Variants in ATP6V0A4 observed in about 807,000 individuals in gnomAD.
The protein encoded by ATP6V0A4 is ATPase H+ transporting V0 subunit a4, also known as V-type proton ATPase 116 kDa subunit a 4.
In ATP6V0A4, 86 loss-of-function variants were observed where a neutral mutation model predicts 107.3. That is an observed-to-expected ratio of 0.80 (90% CI 0.67 to 0.96). The LOEUF is 0.96. ATP6V0A4 is among the 40% of genes least tolerant of loss of function. The pLI is 0.00. For missense variants in ATP6V0A4, 908 were observed against 1,045.6 expected (o/e 0.87, Z 1.81); for synonymous variants, 353 against 381.4 (o/e 0.93, Z 0.87).
intron 1 of ATP6V0A4, among the ~76,000 whole-genome samples, chr7:138,789,198 T>C (rs1414067794): frequency 7.2e-6 from 1 of 138,942 alleles, no homozygotes; most frequent in Non-Finnish European, 1.5e-5. Context: ...CATGTGAAAC[T>C]TAAAGGTTAA....
At chr7:138,772,516 C>T (rs910185793) in intron 2 of ATP6V0A4, among the ~76,000 whole-genome samples, 5 of 152,130 alleles carry the variant, frequency 3.3e-5, no homozygotes, top group Admixed American at 3.3e-4. Flanking sequence ...GACACAGTTC[C>T]ACCATACAGT....
intron 20 of ATP6V0A4, among the ~76,000 whole-genome samples, chr7:138,714,075 CAAAA>C (rs35801199): frequency 2.7e-5 from 3 of 112,284 alleles, no homozygotes; most frequent in Non-Finnish European, 5.8e-5. Context: ...CTACCTCTAC[CAAAA>C]AAAAAAAAAA....
Position 138,745,258 on chromosome 7 carries a change from C to T in ATP6V0A4, c.1343G>A (p.Gly448Glu). Residue 448 changes from glycine (G) to glutamate (E), a missense_variant, in exon 14 of 22, where the codon GGG becomes GAG. By Grantham distance (98) the Gly-to-Glu change is moderately conservative. Transcript: ENST00000310018. Reference protein sequence around the residue: ...DNEIWNTFFHGRYLILLMGIF... With the variant: ...DNEIWNTFFHERYLILLMGIF... Reference sequence around the variant, plus strand: ...GCCCATAAGTAGGATCAGATAGCGCCCGTGGAAGAAGGTGTTCCAAATCTG... The same window carrying T: ...GCCCATAAGTAGGATCAGATAGCGCTCGTGGAAGAAGGTGTTCCAAATCTG... The T allele has an allele frequency of 6.2e-7, 1 of 1,613,962 alleles. No homozygotes were observed. The highest frequency in any genetic ancestry group is 8.5e-7 in the Non-Finnish European group (1 of 1,179,976).
chr7:138,707,350 A>AATATATATTATATATATTTAT (rs1554386041), intron 21 of ATP6V0A4, among the ~76,000 whole-genome samples: 1 of 90,394 alleles, frequency 1.1e-5, no homozygotes, highest in East Asian at 2.6e-4. Context: ...TATATATTAT[A>AATATATATTATATATATTTAT]ATATATATTA....
At chr7:138,786,700 C>T (rs974253678) in intron 1 of ATP6V0A4, among the ~76,000 whole-genome samples, 2 of 151,988 alleles carry the variant, frequency 1.3e-5, no homozygotes, top group Non-Finnish European at 2.9e-5. Flanking sequence ...CCCTATGTTG[C>T]CCAGGCTGGT....
intron 11 of ATP6V0A4, among the ~76,000 whole-genome samples, 153 bp downstream of exon 11, chr7:138,752,472 C>T (rs554415115): frequency 3.3e-5 from 5 of 152,110 alleles, no homozygotes; most frequent in East Asian, 1.9e-4. Context: ...TTTATGTCCT[C>T]GAGTGGGGTT....
rs33940158 is a variant in ATP6V0A4, at chr7:138,759,052, A to ATTTTTTTTTTTTT, written c.639+687_639+699dup. Among the ~76,000 whole-genome samples the ATTTTTTTTTTTTT allele has an allele frequency of 1.6e-4, 9 of 54,570 alleles. 1 individual carries two copies. Among genetic ancestry groups the ATTTTTTTTTTTTT allele is most frequent in the African/African-American group, 6.1e-4 (7 of 11,462 alleles). 35.8% of individuals were successfully genotyped at this position (54,570 alleles called of 152,430 possible). On this transcript the variant is annotated intron_variant, in intron 8 of 21. Coordinates refer to ENST00000310018, the MANE Select transcript of ATP6V0A4 (RefSeq NM_020632.3). ...AGGCATGAGCCACCATGCCCAGCCT[A>ATTTTTTTTTTTTT]TTTTTTTTTTTTTTTTTTTTTTTTT...
chr7:138,719,917 C>T (rs1426392968), intron 19 of ATP6V0A4, among the ~76,000 whole-genome samples: 1 of 151,430 alleles, frequency 6.6e-6, no homozygotes, highest in Non-Finnish European at 1.5e-5. Context: ...CCCAGCTACT[C>T]GGGAGGCTGA....
At chr7:138,788,242 A>T (rs1486649913) in intron 1 of ATP6V0A4, among the ~76,000 whole-genome samples, 4 of 152,226 alleles carry the variant, frequency 2.6e-5, no homozygotes, top group Non-Finnish European at 5.9e-5. Context: ...TTTGAGAACA[A>T]ATCTCTCTGT....
intron 18 of ATP6V0A4, among the ~76,000 whole-genome samples, chr7:138,725,667 C>T (rs1322979944): frequency 6.6e-6 from 1 of 152,150 alleles, no homozygotes; most frequent in Non-Finnish European, 1.5e-5. Flanking sequence ...GCACTCACCA[C>T]CACGCCGGCT....
intron 1 of ATP6V0A4, among the ~76,000 whole-genome samples, chr7:138,791,944 T>C (rs902366920): frequency 6.6e-6 from 1 of 152,160 alleles, no homozygotes; most frequent in African/African-American, 2.4e-5. Context: ...TGGAAAATAA[T>C]AATAATAATG....
At chr7:138,718,469 GATGGCGGGGA>G (rs1367872468) in intron 19 of ATP6V0A4, among the ~76,000 whole-genome samples, 2 of 80,674 alleles carry the variant, frequency 2.5e-5, no homozygotes, top group African/African-American at 1.1e-4. Context: ...GAATGGGGGG[GATGGCGGGGA>G]GGGTGCAGTC....
chr7:138,796,457 T>C (rs1281953630), intron 1 of ATP6V0A4, among the ~76,000 whole-genome samples: 3 of 152,192 alleles, frequency 2.0e-5, no homozygotes, highest in Non-Finnish European at 4.4e-5. Flanking sequence ...TCACGCCTTC[T>C]ATGTCTTTCC....
intron 15 of ATP6V0A4, among the ~76,000 whole-genome samples, chr7:138,739,252 G>A (rs1805493717): frequency 6.6e-6 from 1 of 152,126 alleles, no homozygotes; most frequent in Non-Finnish European, 1.5e-5. Flanking sequence ...TACTCCCCAG[G>A]CAACCAAGTG....
intron 15 of ATP6V0A4, among the ~76,000 whole-genome samples, chr7:138,736,490 G>T (rs192760177): frequency 2.0e-5 from 3 of 152,278 alleles, no homozygotes; most frequent in Admixed American, 2.0e-4. Context: ...TTGTGCATAA[G>T]ACTCTGTTCT....
At chr7:138,796,041 G>A (rs773989450) in intron 1 of ATP6V0A4, among the ~76,000 whole-genome samples, 1 of 152,038 alleles carries the variant, frequency 6.6e-6, no homozygotes, top group Non-Finnish European at 1.5e-5. Flanking sequence ...TCCACGTACC[G>A]CTGTTATCCC....
chr7:138,790,160 T>G (rs1457183642), intron 1 of ATP6V0A4, among the ~76,000 whole-genome samples: 1 of 152,150 alleles, frequency 6.6e-6, no homozygotes, highest in African/African-American at 2.4e-5. Context: ...CATTTTTCAT[T>G]GTATATGTGT....
chr7:138,735,234 G>A (rs986763457), intron 15 of ATP6V0A4, among the ~76,000 whole-genome samples: 3 of 152,046 alleles, frequency 2.0e-5, no homozygotes, highest in East Asian at 1.9e-4. Context: ...TTTAAATCTC[G>A]GCAGCCCCAT....
chr7:138,752,117 G>A (rs1401808091), intron 11 of ATP6V0A4, among the ~76,000 whole-genome samples: 3 of 152,156 alleles, frequency 2.0e-5, no homozygotes, highest in Non-Finnish European at 4.4e-5. Flanking sequence ...CACCTGTAAT[G>A]TCAGCACTTT....
Sources: allele counts gnomAD v4.1 joint callset (sites outside exome capture counted in the v4.1 genomes callset), GRCh38; gene constraint gnomAD v4.1.1; transcripts MANE v1.5; gene names NCBI Gene and HGNC (gene_info 2026-07-23, HGNC 2026-07-21).